Variants in ARHGEF10L observed in about 807,000 individuals in gnomAD.
ARHGEF10L encodes rho guanine nucleotide exchange factor 10-like protein.
A neutral mutation model predicts 141.2 loss-of-function variants in ARHGEF10L; 69 were observed. That is an observed-to-expected ratio of 0.49 (90% confidence interval 0.40 to 0.60). The LOEUF is 0.60. ARHGEF10L is among the 20% of genes least tolerant of loss of function. The pLI is 0.00. For missense variants in ARHGEF10L, 1,482 were observed against 1,734.3 expected (o/e 0.85, Z 2.58); for synonymous variants, 711 against 718.5 (o/e 0.99, Z 0.17).
intron 1 of ARHGEF10L, among the ~76,000 whole-genome samples, chr1:17,544,558 G>A (rs1570371082): frequency 1.3e-5 from 2 of 152,106 alleles, no homozygotes; most frequent in East Asian, 3.9e-4. Context: ...GCCTCCCAAA[G>A]TGCTGGGATT....
At chr1:17,541,894 G>A (rs1166111789) in intron 1 of ARHGEF10L, among the ~76,000 whole-genome samples, 3 of 152,102 alleles carry the variant, frequency 2.0e-5, no homozygotes, top group South Asian at 2.1e-4. Flanking sequence ...TTGAACCCGG[G>A]AAGTGCAGGT....
intron 6 of ARHGEF10L, among the ~76,000 whole-genome samples, chr1:17,605,885 A>G (rs2081127985): frequency 6.6e-6 from 1 of 152,014 alleles, no homozygotes; most frequent in South Asian, 2.1e-4. Flanking sequence ...CAGCTGCTCC[A>G]CTCTCTAAAG....
At chr1:17,680,236 A>G (rs536937489) in intron 26 of ARHGEF10L, among the ~76,000 whole-genome samples, 6 of 152,278 alleles carry the variant, frequency 3.9e-5, no homozygotes, top group African/African-American at 1.4e-4. Flanking sequence ...GTAAAGTAGA[A>G]GCCCCACCAG....
In ARHGEF10L at chr1:17,616,194, A is replaced by T. The variant is rs76462104; in HGVS notation, c.827A>T (p.Asp276Val). Residue 276 changes from aspartate (D) to valine (V), a missense_variant, in exon 9 of 29, where the codon GAC (aspartate) becomes GTC (valine). Coordinates refer to ENST00000361221, the MANE Select transcript of ARHGEF10L (RefSeq NM_018125.4). ...MRKVSFLHRK[D>V]VLGDSEEEDM... ...AAAGTCTCCTTCCTGCACAGGAAGG[A>T]CGTCCTCGGTGAGGCGCTGCCCGAG... 5.8e-4 allele frequency: 936 copies of T among 1,612,114 alleles called. 10 individuals carry two copies. In the East Asian group the frequency reaches 0.019, roughly 33 times the overall value.
chr1:17,617,463 G>A (rs890141553), intron 9 of ARHGEF10L, among the ~76,000 whole-genome samples: 3 of 152,138 alleles, frequency 2.0e-5, no homozygotes, highest in Non-Finnish European at 2.9e-5. Flanking sequence ...GGCATTGGTG[G>A]GACAGGGTCA....
intron 4 of ARHGEF10L, among the ~76,000 whole-genome samples, chr1:17,593,092 G>A (rs16829190): frequency 0.035 from 5,287 of 152,206 alleles, 113 homozygotes; most frequent in East Asian, 0.096. Context: ...CTTCATTGAA[G>A]AAGGCACTTG....
chr1:17,620,238 T>A (rs976401694), intron 10 of ARHGEF10L, among the ~76,000 whole-genome samples: 1 of 151,194 alleles, frequency 6.6e-6, no homozygotes, highest in Non-Finnish European at 1.5e-5. Flanking sequence ...TTCCTTCTTG[T>A]AGAGCATCGT....
intron 26 of ARHGEF10L, among the ~76,000 whole-genome samples, chr1:17,679,612 A>C (rs12737453): frequency 0.14 from 22,024 of 152,144 alleles, 1,723 homozygotes; most frequent in Non-Finnish European, 0.16. Flanking sequence ...CTCAGCGGTA[A>C]AGTGTTGATA....
At chr1:17,582,139 G>A (rs1383616466) in intron 2 of ARHGEF10L, among the ~76,000 whole-genome samples, 3 of 151,996 alleles carry the variant, frequency 2.0e-5, no homozygotes, top group Non-Finnish European at 2.9e-5. Context: ...CTGATTGCCG[G>A]GGGGAGGATA....
intron 9 of ARHGEF10L, among the ~76,000 whole-genome samples, chr1:17,618,018 G>A (rs1230266657): frequency 2.6e-5 from 4 of 152,292 alleles, no homozygotes; most frequent in East Asian, 3.9e-4. Flanking sequence ...CACTTGGTGC[G>A]GTGCTCAGCC....
chr1:17,608,124 G>T (rs2081345736), intron 7 of ARHGEF10L, 147 bp downstream of exon 7: 1 of 897,192 alleles, frequency 1.1e-6, no homozygotes, highest in East Asian at 3.3e-5. Context: ...GGTGAGAGGG[G>T]AGCCAGAAGC....
intron 26 of ARHGEF10L, among the ~76,000 whole-genome samples, chr1:17,676,860 GA>G (rs1558010050): frequency 6.6e-6 from 1 of 151,764 alleles, no homozygotes; most frequent in Non-Finnish European, 1.5e-5. Flanking sequence ...GCTGTCTTCT[GA>G]TTGGGCAGAA....
At chr1:17,604,093 A>G (rs1017795122) in intron 6 of ARHGEF10L, among the ~76,000 whole-genome samples, 1 of 152,092 alleles carries the variant, frequency 6.6e-6, no homozygotes, top group Admixed American at 6.5e-5. Flanking sequence ...AGGACTGTTC[A>G]TTGGCAATTA....
chr1:17,630,206 G>T (rs1299469499), intron 15 of ARHGEF10L, among the ~76,000 whole-genome samples: 1 of 152,260 alleles, frequency 6.6e-6, no homozygotes, highest in East Asian at 1.9e-4. Context: ...AAGCAGAAAC[G>T]AAACTGGGTG....
chr1:17,635,164 C>A, intron 18 of ARHGEF10L, 148 bp downstream of exon 18: 1 of 973,818 alleles, frequency 1.0e-6, no homozygotes, highest in Non-Finnish European at 1.5e-6. Context: ...GCTGGTTTTG[C>A]AGCCCCACCC....
chr1:17,536,967 T>G (rs148393544), upstream of ARHGEF10L, among the ~76,000 whole-genome samples: 40 of 152,292 alleles, frequency 2.6e-4, no homozygotes, highest in African/African-American at 9.1e-4. Flanking sequence ...ACTCCTGGGC[T>G]CAAGTGATCC....
rs767726594 is a variant in ARHGEF10L, at chr1:17,616,221, G to A, written c.835+19G>A. On this transcript the variant is annotated intron_variant, in intron 9 of 28. Transcript: ENST00000361221. ...GTCCTCGGTGAGGCGCTGCCCGAGC[G>A]GGAGGGTCTGGTGCCCAGCTCTGAC... 108 of 1,600,826 alleles carry A rather than the reference G, an allele frequency of 6.7e-5. No individual in the cohort carries two copies. The highest frequency in any genetic ancestry group is 8.0e-5 in the Non-Finnish European group (93 of 1,169,618).
chr1:17,674,736 A>G (rs2063538145), intron 26 of ARHGEF10L, among the ~76,000 whole-genome samples: 1 of 152,184 alleles, frequency 6.6e-6, no homozygotes, highest in Admixed American at 6.5e-5. Context: ...ATGGTCCTAT[A>G]CGATTACAAT....
intron 4 of ARHGEF10L, among the ~76,000 whole-genome samples, chr1:17,601,261 C>T (rs890427454): frequency 2.0e-5 from 3 of 152,030 alleles, no homozygotes; most frequent in Non-Finnish European, 4.4e-5. Flanking sequence ...ATGGCACCTG[C>T]GTGGCGTCTC....
Sources: gnomAD v4.1 joint callset for allele counts (sites outside exome capture counted in the v4.1 genomes callset) on GRCh38, gnomAD v4.1.1 for gene constraint, MANE v1.5 for transcripts, NCBI Gene and HGNC (gene_info 2026-07-23, HGNC 2026-07-21) for gene names.